The following SLC7A11 variants were observed in gnomAD, a reference collection of about 807,000 sequenced individuals.
SLC7A11 encodes the protein cystine/glutamate transporter.
Under a neutral mutation model 54.5 loss-of-function variants are expected in SLC7A11, and 35 were observed. The ratio of observed to expected loss-of-function variants is 0.64; its 90% CI spans 0.49 to 0.85. The LOEUF (loss-of-function observed/expected upper bound fraction) is 0.85. SLC7A11 is among the 40% of genes least tolerant of loss of function. The pLI is 0.00. For missense variants in SLC7A11, 583 were observed against 618.1 expected (o/e 0.94, Z 0.60); for synonymous variants, 230 against 225.2 (o/e 1.02, Z -0.19).
At chr4:138,237,737 A>ATATATTT (rs1560742768) in intron 1 of SLC7A11, among the ~76,000 whole-genome samples, 3 of 9,832 alleles carry the variant, frequency 3.1e-4, no homozygotes, top group Admixed American at 2.7e-3. Context: ...ATATATATAT[A>ATATATTT]TTTTTTTTTT....
Position 138,170,811 on chromosome 4 carries a change from C to A in SLC7A11, c.*1145G>T, listed in dbSNP as rs1046796681. 6.6e-6 allele frequency: 1 copy of A among 152,046 alleles called. No homozygotes were observed. The highest frequency in any genetic ancestry group is 2.4e-5 in the African/African-American group (1 of 41,410). The allele number at this position is 152,046 out of a possible 1,614,324, so 9.4% of individuals were successfully genotyped here. ...CATCAGTTGTAAATCTTATTTACAG[C>A]GACATTTCTTTTGCAATTTTTATGT... On this transcript the variant is annotated 3_prime_UTR_variant, in exon 12 of 12. Coordinates refer to ENST00000280612, the MANE Select transcript of SLC7A11 (RefSeq NM_014331.4).
intron 11 of SLC7A11, among the ~76,000 whole-genome samples, chr4:138,172,825 T>C (rs562680711): frequency 1.8e-4 from 28 of 152,232 alleles, no homozygotes; most frequent in African/African-American, 5.5e-4. Flanking sequence ...GGACATTAGT[T>C]CTTGTTTGCC....
chr4:138,178,742 T>C (rs1264341427), intron 11 of SLC7A11, among the ~76,000 whole-genome samples: 1 of 152,162 alleles, frequency 6.6e-6, no homozygotes, highest in Non-Finnish European at 1.5e-5. Context: ...ATTGTTCTTG[T>C]TATTATAATC....
Position 138,184,671 on chromosome 4 carries a change from G to T in SLC7A11, c.915+450C>A, listed in dbSNP as rs564295724. Among the ~76,000 whole-genome samples the T allele has an allele frequency of 4.6e-5, 7 of 152,124 alleles. No individual in the cohort carries two copies. In the South Asian group the frequency reaches 1.5e-3, roughly 32 times the overall value. ...GACTAGTATTCAAAAGGATATACTA[G>T]GAAAACCAAATTTATATGGTCCACA... On this transcript the variant is annotated intron_variant, in intron 7 of 11. Transcript: ENST00000280612.
rs1056856100 is a variant in SLC7A11, at chr4:138,171,622, A to G, written c.*334T>C. 2 of 240,742 alleles carry G rather than the reference A, an allele frequency of 8.3e-6. No individual in the cohort carries two copies. Among genetic ancestry groups the G allele is most frequent in the Non-Finnish European group, 7.9e-6 (1 of 127,312 alleles). 14.9% of individuals were successfully genotyped at this position (240,742 alleles called of 1,614,324 possible). ...ATATACAGAAAAATCTCAGTCTTCA[A>G]TTTGAAGGTTCTTTGCCGTGCTAAC... On this transcript the variant is annotated 3_prime_UTR_variant, in exon 12 of 12. Transcript: ENST00000280612.
chr4:138,196,018 G>A (rs1215942033), intron 6 of SLC7A11, among the ~76,000 whole-genome samples: 3 of 152,078 alleles, frequency 2.0e-5, no homozygotes, highest in African/African-American at 7.2e-5. Flanking sequence ...AATGGAAGCA[G>A]TGAAGAGAAA....
At position 138,178,445 on chromosome 4, in the gene SLC7A11, G is replaced by A. The variant is rs147497487; in HGVS notation, c.1444+772C>T. Among the ~76,000 whole-genome samples, 28 of 152,168 alleles carry A rather than the reference G, an allele frequency of 1.8e-4. 1 individual carries two copies. The East Asian group carries it at 4.3e-3, about 23-fold the overall frequency. ...GTAAATAGTGCTGCAATAAACATAC[G>A]TGTGCATGTGTCTTTATAGTAGAAT... On this transcript the variant is annotated intron_variant, in intron 11 of 11. Transcript: ENST00000280612.
chr4:138,216,843 C>T (rs1366207365), intron 5 of SLC7A11, among the ~76,000 whole-genome samples: 1 of 152,152 alleles, frequency 6.6e-6, no homozygotes, highest in Non-Finnish European at 1.5e-5. Context: ...ATAGCAGCAG[C>T]ATAGGGAGTG....
intron 4 of SLC7A11, 113 bp downstream of exon 4, chr4:138,223,086 A>G: frequency 2.1e-6 from 2 of 944,576 alleles, no homozygotes; most frequent in Non-Finnish European, 3.2e-6. Context: ...ATAGAGTTTA[A>G]GTTCCACAGG....
intron 7 of SLC7A11, among the ~76,000 whole-genome samples, chr4:138,183,674 C>A (rs1393741017): frequency 6.6e-6 from 1 of 152,108 alleles, no homozygotes; most frequent in Non-Finnish European, 1.5e-5. Flanking sequence ...ATAATACGTT[C>A]TCTTTAGCCT....
Position 138,170,304 on chromosome 4 carries a change from AT to A in SLC7A11, c.*1651del, listed in dbSNP as rs1736394532. On this transcript the variant is annotated 3_prime_UTR_variant, in exon 12 of 12. Transcript: ENST00000280612. ...CACACACACACACACATACACACAC[AT>A]ATATATATATATATAATCTTTTTTT... 3 of 43,128 alleles carry A rather than the reference AT, an allele frequency of 7.0e-5. No individual in the cohort carries two copies. The highest frequency in any genetic ancestry group is 1.0e-4 in the Non-Finnish European group (2 of 19,844). The allele number at this position is 43,128 out of a possible 1,614,324, so 2.7% of individuals were successfully genotyped here.
At chr4:138,223,471 C>CATTT in intron 3 of SLC7A11, 147 bp from the exon 4 acceptor site, 2 of 798,704 alleles carry the variant, frequency 2.5e-6, no homozygotes, top group Non-Finnish European at 3.9e-6. Flanking sequence ...TCAGGCTCTG[C>CATTT]CCCAGGCCTA....
intron 1 of SLC7A11, among the ~76,000 whole-genome samples, chr4:138,237,770 A>T (rs1738274492): frequency 3.3e-4 from 7 of 21,406 alleles, no homozygotes; most frequent in South Asian, 2.2e-3. Context: ...TTTTTTTTTG[A>T]GATGGAGTCT....
chr4:138,183,754 T>C (rs1272906066), intron 7 of SLC7A11, among the ~76,000 whole-genome samples: 2 of 152,098 alleles, frequency 1.3e-5, no homozygotes, highest in East Asian at 1.9e-4. Flanking sequence ...GCCAATCCCA[T>C]TCTTAGGAGG....
rs1736433063 is a variant in SLC7A11 at position 138,171,853 on chromosome 4, T to A, written c.*103A>T. On this transcript the variant is annotated 3_prime_UTR_variant, in exon 12 of 12. Coordinates refer to ENST00000280612, the MANE Select transcript of SLC7A11 (RefSeq NM_014331.4). ...AATAAAAATAACTGACTCCTTTTGTTTATCACCAAAGTTGTAATTCTCTAG... is the reference window on the plus strand; with the variant it reads ...AATAAAAATAACTGACTCCTTTTGTATATCACCAAAGTTGTAATTCTCTAG... 1 of 1,432,824 alleles carries A rather than the reference T, an allele frequency of 7.0e-7. No homozygotes were observed. Among genetic ancestry groups the A allele is most frequent in the Non-Finnish European group, 9.3e-7 (1 of 1,071,886 alleles). The allele number at this position is 1,432,824 out of a possible 1,614,324, so 88.8% of individuals were successfully genotyped here.
At chr4:138,193,319 T>C (rs746000386) in intron 6 of SLC7A11, among the ~76,000 whole-genome samples, 30 of 152,202 alleles carry the variant, frequency 2.0e-4, no homozygotes, top group Non-Finnish European at 4.0e-4. Context: ...AATGGGATTA[T>C]AGACTATCCT....
chr4:138,215,305 A>G (rs1737654456), intron 5 of SLC7A11, among the ~76,000 whole-genome samples: 1 of 152,190 alleles, frequency 6.6e-6, no homozygotes, highest in African/African-American at 2.4e-5. Context: ...AACCTTTTAC[A>G]TAGGTATGCA....
chr4:138,168,053 C>T lies in SLC7A11; in HGVS notation c.*3903G>A, dbSNP rs1736312534. On this transcript the variant is annotated 3_prime_UTR_variant, in exon 12 of 12. Transcript: ENST00000280612. ...AATTTTTAAAAACATATCCTCCATA[C>T]TTATTTCTAACAGAAAAAAATAACA... The T allele has an allele frequency of 6.6e-6, 1 of 152,132 alleles. No homozygotes were observed. The highest frequency in any genetic ancestry group is 2.4e-5 in the African/African-American group (1 of 41,424). The allele number at this position is 152,132 out of a possible 1,614,324, so 9.4% of individuals were successfully genotyped here. A position where few individuals can be genotyped will look rare whatever the true frequency, so the allele number is the denominator to read the frequency against.
rs941010851 is a variant in SLC7A11 at position 138,183,871 on chromosome 4, C to T, written c.916-566G>A. 4.0e-5 allele frequency among the ~76,000 whole-genome samples: 6 copies of T among 150,964 alleles called. No individual in the cohort carries two copies. In the South Asian group the frequency reaches 8.3e-4, roughly 21 times the overall value. ...AGCTAAATCTCTGTTTATAAAGTCC[C>T]TCCCTCCCCCTCATGTATGTGTCAA... On this transcript the variant is annotated intron_variant, in intron 7 of 11. Transcript: ENST00000280612.
Sources: gnomAD v4.1 joint callset for allele counts (sites outside exome capture counted in the v4.1 genomes callset) on GRCh38, gnomAD v4.1.1 for gene constraint, MANE v1.5 for transcripts, NCBI Gene and HGNC (gene_info 2026-07-23, HGNC 2026-07-21) for gene names.